DPP10: variants seen among roughly 807,000 people sequenced by gnomAD.
The protein encoded by DPP10 is dipeptidyl peptidase like 10.
Under a neutral mutation model 120.9 loss-of-function variants are expected in DPP10, and 33 were observed. The observed-to-expected ratio is 0.27, with a 90% CI of 0.21 to 0.37. The LOEUF is 0.37. Among genes scored for constraint, DPP10 ranks in the 10% least tolerant of loss-of-function variants. The pLI, the probability that DPP10 is intolerant of heterozygous loss-of-function variation, is 1.00. For synonymous variants in DPP10, 337 were observed against 326.1 expected, an observed-to-expected ratio of 1.03 and a Z score of -0.36; for missense variants, 816 against 942.8, an observed-to-expected ratio of 0.87 and a Z score of 1.76.
At chr2:115,217,721 G>C (rs779411553) in intron 1 of DPP10, among the ~76,000 whole-genome samples, 2 of 152,036 alleles carry the variant, frequency 1.3e-5, no homozygotes, top group Non-Finnish European at 2.9e-5. Flanking sequence ...ACACCATTGC[G>C]GTTGGTACTG....
chr2:115,146,907 T>G (rs2051255260), intron 1 of DPP10, among the ~76,000 whole-genome samples: 2 of 152,146 alleles, frequency 1.3e-5, no homozygotes, highest in African/African-American at 4.8e-5. Flanking sequence ...AGACTTGATC[T>G]TAGACTTCAC....
In DPP10 at chr2:115,175,832, G is replaced by T. The variant is rs549282520; in HGVS notation, c.61-133407G>T. Reference sequence around the variant, plus strand: ...TTAATTTTAATTAATTTAAGCTTAAGTAGCTGTATGTGGCTAGGGCTACTA... The same window carrying T: ...TTAATTTTAATTAATTTAAGCTTAATTAGCTGTATGTGGCTAGGGCTACTA... On this transcript the variant is annotated intron_variant, in intron 1 of 25. Coordinates refer to ENST00000410059, the MANE Select transcript of DPP10 (RefSeq NM_020868.6). Among the ~76,000 whole-genome samples the T allele has an allele frequency of 2.6e-5, 4 of 152,320 alleles. No individual in the cohort carries two copies. The East Asian group carries it at 7.7e-4, about 29-fold the overall frequency.
chr2:115,341,848 A>G (rs2063463787), intron 2 of DPP10, among the ~76,000 whole-genome samples: 1 of 152,154 alleles, frequency 6.6e-6, no homozygotes, highest in African/African-American at 2.4e-5. Context: ...CACCTATTGA[A>G]GGACATCTTG....
intron 19 of DPP10, among the ~76,000 whole-genome samples, chr2:115,794,468 G>A (rs779120507): frequency 5.3e-5 from 8 of 152,024 alleles, no homozygotes; most frequent in East Asian, 1.9e-4. Context: ...ACTTAATCTC[G>A]TAACATTTAA....
intron 3 of DPP10, among the ~76,000 whole-genome samples, chr2:115,356,992 T>G (rs1361317326): frequency 6.6e-6 from 1 of 152,230 alleles, no homozygotes; most frequent in Non-Finnish European, 1.5e-5. Context: ...CAACAATGTT[T>G]AAGTGTTTTT....
intron 3 of DPP10, among the ~76,000 whole-genome samples, chr2:115,475,105 G>T (rs533283909): frequency 6.6e-5 from 10 of 152,274 alleles, no homozygotes; most frequent in African/African-American, 2.2e-4. Flanking sequence ...GTTGCCAATA[G>T]CCAAGACAAT....
chr2:114,733,102 C>T (rs1179515572), intron 1 of DPP10, among the ~76,000 whole-genome samples: 2 of 152,184 alleles, frequency 1.3e-5, no homozygotes. Context: ...GTCTTGACGA[C>T]TGCTTGGAGG....
chr2:114,901,535 T>C (rs1323979331), intron 1 of DPP10, among the ~76,000 whole-genome samples: 1 of 152,158 alleles, frequency 6.6e-6, no homozygotes, highest in Admixed American at 6.6e-5. Context: ...TGAGATGCTG[T>C]TGAAGATGAA....
intron 1 of DPP10, among the ~76,000 whole-genome samples, chr2:114,697,547 A>G (rs1168375545): frequency 2.0e-5 from 3 of 151,808 alleles, no homozygotes; most frequent in Non-Finnish European, 4.4e-5. Context: ...TCAGCAATTC[A>G]AGAACAGCCT....
intron 3 of DPP10, among the ~76,000 whole-genome samples, chr2:115,395,636 C>T (rs1018986602): frequency 6.6e-6 from 1 of 152,192 alleles, no homozygotes; most frequent in African/African-American, 2.4e-5. Flanking sequence ...TCTTCTCTAA[C>T]TCCTACTTTG....
At chr2:115,646,699 G>A (rs1026651966) in intron 5 of DPP10, among the ~76,000 whole-genome samples, 2 of 152,100 alleles carry the variant, frequency 1.3e-5, no homozygotes, top group Non-Finnish European at 2.9e-5. Context: ...TTTAGTTTGG[G>A]CAGGTTAAAC....
chr2:115,799,848 G>T (rs1416020504), intron 19 of DPP10, among the ~76,000 whole-genome samples: 1 of 151,918 alleles, frequency 6.6e-6, no homozygotes, highest in Non-Finnish European at 1.5e-5. Context: ...TGGACATTTA[G>T]GTTGGTTCCA....
chr2:115,188,461 T>C (rs2105206563), intron 1 of DPP10, among the ~76,000 whole-genome samples: 1 of 152,316 alleles, frequency 6.6e-6, no homozygotes, highest in Non-Finnish European at 1.5e-5. Flanking sequence ...AGGGATCATT[T>C]CCAGAGTAAT....
At chr2:114,835,845 A>G (rs1687691498) in intron 1 of DPP10, among the ~76,000 whole-genome samples, 1 of 152,234 alleles carries the variant, frequency 6.6e-6, no homozygotes, top group Admixed American at 6.5e-5. Flanking sequence ...AAAAGACTAT[A>G]TATAATTAGT....
intron 1 of DPP10, among the ~76,000 whole-genome samples, chr2:114,687,615 A>T (rs1445312607): frequency 6.6e-6 from 1 of 151,954 alleles, no homozygotes; most frequent in Non-Finnish European, 1.5e-5. Flanking sequence ...AGAATCCTAG[A>T]TTGGATACTA....
At chr2:115,313,092 A>G (rs2061650007) in intron 2 of DPP10, among the ~76,000 whole-genome samples, 1 of 152,086 alleles carries the variant, frequency 6.6e-6, no homozygotes, top group Non-Finnish European at 1.5e-5. Flanking sequence ...GCATGGTGGC[A>G]TGCACCTGTA....
chr2:115,310,016 G>T (rs1019388426), intron 2 of DPP10, among the ~76,000 whole-genome samples: 1 of 152,004 alleles, frequency 6.6e-6, no homozygotes, highest in Non-Finnish European at 1.5e-5. Context: ...TTACTCTTTA[G>T]TAGGTACTAA....
chr2:114,740,511 A>G (rs1184194911), intron 1 of DPP10, among the ~76,000 whole-genome samples: 1 of 151,774 alleles, frequency 6.6e-6, no homozygotes, highest in Non-Finnish European at 1.5e-5. Context: ...GTAATAATAA[A>G]ATAAAAATTA....
intron 1 of DPP10, among the ~76,000 whole-genome samples, chr2:114,992,966 T>C (rs772041409): frequency 4.6e-5 from 7 of 152,198 alleles, no homozygotes; most frequent in Non-Finnish European, 7.3e-5. Flanking sequence ...TCTCCTTTAT[T>C]GATTTTCCTC....
Sources: allele counts gnomAD v4.1 joint callset (sites outside exome capture counted in the v4.1 genomes callset), GRCh38; gene constraint gnomAD v4.1.1; transcripts MANE v1.5; gene names NCBI Gene and HGNC (gene_info 2026-07-23, HGNC 2026-07-21).